Variants in ABCA4 observed in about 807,000 individuals in gnomAD.
ABCA4 encodes ATP binding cassette subfamily A member 4, also known as retinal-specific phospholipid-transporting ATPase ABCA4.
Under a neutral mutation model 263.7 loss-of-function variants are expected in ABCA4, and 196 were observed. That is an observed-to-expected ratio of 0.74 (90% CI 0.66 to 0.84). The LOEUF (loss-of-function observed/expected upper bound fraction) is 0.84, where lower values mean the gene tolerates loss of function less well. Among genes scored for constraint, ABCA4 ranks in the 40% least tolerant of loss-of-function variants. ABCA4 has a pLI of 0.00. For synonymous variants in ABCA4, 1,133 were observed against 1,094.2 expected, an observed-to-expected ratio of 1.04 and a Z score of -0.70; for missense variants, 2,792 against 2,855.1, an observed-to-expected ratio of 0.98 and a Z score of 0.50.
rs1659469961 is a variant in ABCA4, at chr1:94,008,824, A to T, written c.5762T>A (p.Val1921Glu). The change falls in exon 41 of 50, where the codon GTG becomes GAG. Residue 1921 changes from valine (V) to glutamate (E), a missense_variant. Coordinates refer to ENST00000370225, the MANE Select transcript of ABCA4 (RefSeq NM_000350.3). The stretch of plus-strand genomic sequence containing the variant: ...AATAATTCTTTGTCTTTCTTCAGCC[A>T]CATCATCATCTTCATCAACAATGGG... ...KEPIVDEDDD[V>E]AEERQRIITG... is the part of the protein sequence containing the mutation. 6.2e-7 allele frequency: 1 copy of T among 1,613,548 alleles called. No homozygotes were observed. Among genetic ancestry groups the T allele is most frequent in the Non-Finnish European group, 8.5e-7 (1 of 1,179,970 alleles).
At chr1:94,011,029 C>T (rs1659531421) in intron 39 of ABCA4, 100 bp from the exon 40 acceptor site, 37 of 1,603,656 alleles carry the variant, frequency 2.3e-5, no homozygotes, top group Non-Finnish European at 3.1e-5. Flanking sequence ...TATGTGGGAA[C>T]TGAGCAAGAG....
In ABCA4 at chr1:94,011,267, C is replaced by T. The variant is rs761240030; in HGVS notation, c.5579G>A (p.Arg1860Gln). The T allele has an allele frequency of 3.9e-5, 63 of 1,613,938 alleles. No individual in the cohort carries two copies. Among genetic ancestry groups the T allele is most frequent in the East Asian group, 6.7e-5 (3 of 44,852 alleles). The change falls in exon 39 of 50, where the codon CGG (arginine) becomes CAG (glutamine). Residue 1860 changes from arginine (R) to glutamine (Q), a missense_variant. Physicochemically the swap from Arg to Gln is conservative, Grantham distance 43 (BLOSUM62 1). Transcript: ENST00000370225. Reference sequence around the variant, plus strand: ...GGGCCTCGGCTACCACCCACCAAACCGGGCATAGACATCTGTCACAGCCTG... The same window carrying T: ...GGGCCTCGGCTACCACCCACCAAACTGGGCATAGACATCTGTCACAGCCTG... ...LSQAVTDVYA[R>Q]FGEEHSANPF...
Position 94,080,706 on chromosome 1 carries a change from G to C in ABCA4, c.871C>G (p.Pro291Ala). The C allele has an allele frequency of 6.2e-7, 1 of 1,614,122 alleles. No individual in the cohort carries two copies. The highest frequency in any genetic ancestry group is 8.5e-7 in the Non-Finnish European group (1 of 1,180,034). Residue 291 changes from proline (P) to alanine (A), a missense_variant, in exon 8 of 50, where the codon CCG becomes GCG. Transcript: ENST00000370225. ...SPRIQEFIHR[P>A]SMQDLLWVTR... ...ACCCACAGCAAGTCCTGCATACTCGGCCGATGGATAAACTAGGGCAAGGCA... is the reference window on the plus strand; with the variant it reads ...ACCCACAGCAAGTCCTGCATACTCGCCCGATGGATAAACTAGGGCAAGGCA...
At chr1:94,040,187 C>T in intron 23 of ABCA4, 60 bp from the exon 24 acceptor site, 2 of 1,356,298 alleles carry the variant, frequency 1.5e-6, no homozygotes, top group Non-Finnish European at 2.1e-6. Context: ...CAGCCTCTCC[C>T]TGATGCCAGC....
Position 94,080,547 on chromosome 1 carries a change from T to C in ABCA4, c.1030A>G (p.Asn344Asp). 6.2e-7 allele frequency: 1 copy of C among 1,614,114 alleles called. No individual in the cohort carries two copies. Reference sequence around the variant, plus strand: ...TCAATCCCCAGAAAGGCCTTATAGTTATTGTCTTCATACCAGTTGAAGGAG... The same window carrying C: ...TCAATCCCCAGAAAGGCCTTATAGTCATTGTCTTCATACCAGTTGAAGGAG... ...VLSFNWYEDN[N>D]YKAFLGIDST... The change falls in exon 8 of 50, where the codon AAC (asparagine) becomes GAC (aspartate). Residue 344 changes from asparagine (N) to aspartate (D), a missense_variant. Transcript: ENST00000370225.
intron 1 of ABCA4, among the ~76,000 whole-genome samples, chr1:94,116,004 A>C (rs1662748177): frequency 6.6e-6 from 1 of 152,088 alleles, no homozygotes; most frequent in South Asian, 2.1e-4. Context: ...CCAGGGGTAA[A>C]ATTTCCAAAC....
intron 4 of ABCA4, among the ~76,000 whole-genome samples, chr1:94,104,933 C>T (rs1280665472): frequency 2.0e-5 from 3 of 152,064 alleles, no homozygotes; most frequent in African/African-American, 7.2e-5. Context: ...CTCACTCCAC[C>T]AACACCATCC....
At chr1:94,028,930 A>ACAAAAAAC (rs35998587) in intron 30 of ABCA4, among the ~76,000 whole-genome samples, 1 of 108,032 alleles carries the variant, frequency 9.3e-6, no homozygotes, top group Non-Finnish European at 1.8e-5. Flanking sequence ...AAAAAAAAAA[A>ACAAAAAAC]GAAATTCAAA....
At chr1:94,073,893 C>T (rs1661470056) in intron 11 of ABCA4, among the ~76,000 whole-genome samples, 1 of 152,136 alleles carries the variant, frequency 6.6e-6, no homozygotes, top group Non-Finnish European at 1.5e-5. Context: ...AGCAACAGAG[C>T]CTCTCTCCTC....
At chr1:94,032,823 G>A (rs1457004669) in intron 26 of ABCA4, among the ~76,000 whole-genome samples, 1 of 152,240 alleles carries the variant, frequency 6.6e-6, no homozygotes, top group Non-Finnish European at 1.5e-5. Context: ...GTCAGCAGAA[G>A]CTCTCCCTGG....
intron 30 of ABCA4, among the ~76,000 whole-genome samples, chr1:94,028,921 A>AG (rs1371438888): frequency 6.7e-6 from 1 of 150,118 alleles, no homozygotes. Flanking sequence ...AAAAAAAAAA[A>AG]AAAAAAAAAG....
intron 20 of ABCA4, 114 bp downstream of exon 20, chr1:94,044,499 C>G (rs1378125048): frequency 6.6e-6 from 10 of 1,507,340 alleles, no homozygotes; most frequent in Non-Finnish European, 9.2e-6. Context: ...AAATAAGAGT[C>G]TGTATCTCTG....
At chr1:94,047,182 A>G in intron 18 of ABCA4, 89 bp from the exon 19 acceptor site, 1 of 1,451,210 alleles carries the variant, frequency 6.9e-7, no homozygotes, top group East Asian at 2.3e-5. Context: ...TATTCTGCCT[A>G]TAACGTCACC....
chr1:94,038,540 T>C (rs978146346), intron 24 of ABCA4, among the ~76,000 whole-genome samples: 4 of 152,260 alleles, frequency 2.6e-5, no homozygotes, highest in Non-Finnish European at 5.9e-5. Context: ...ATTGGAAGTC[T>C]TGCTTTATGT....
chr1:94,098,009 G>A (rs1018959773), intron 6 of ABCA4, among the ~76,000 whole-genome samples: 5 of 152,040 alleles, frequency 3.3e-5, no homozygotes, highest in African/African-American at 1.2e-4. Context: ...CGCCCGCCTC[G>A]GCCTCCCAAA....
intron 16 of ABCA4, among the ~76,000 whole-genome samples, chr1:94,053,398 C>T (rs1458589736): frequency 2.0e-5 from 3 of 152,100 alleles, no homozygotes; most frequent in African/African-American, 7.2e-5. Flanking sequence ...AAAACAACAA[C>T]AACAAAAAAC....
In ABCA4 at chr1:94,042,825, G is replaced by A. The variant is rs140876019; in HGVS notation, c.3264C>T (p.Pro1088=). 1.3e-4 allele frequency: 207 copies of A among 1,614,178 alleles called. No homozygotes were observed. The Middle Eastern group carries it at 2.5e-3, about 19-fold the overall frequency. Residue 1088 remains proline (P), a synonymous_variant, in exon 22 of 50, where the codon CCC becomes CCT. Transcript: ENST00000370225. The part of the protein sequence containing the change: ...GDAKVVILDE[P]TSGVDPYSRR... Reference sequence around the variant, plus strand: ...TCGAGTAAGGGTCCACCCCAGAGGTGGGTTCGTCCAGAATCACCACCTTGG... The same window carrying A: ...TCGAGTAAGGGTCCACCCCAGAGGTAGGTTCGTCCAGAATCACCACCTTGG...
chr1:94,084,397 A>C (rs1224193478), intron 6 of ABCA4, among the ~76,000 whole-genome samples: 1 of 152,230 alleles, frequency 6.6e-6, no homozygotes, highest in African/African-American at 2.4e-5. Flanking sequence ...TTGCCAGCAC[A>C]GTTCTCCTAA....
At chr1:94,009,868 AG>A (rs1274376817) in intron 40 of ABCA4, among the ~76,000 whole-genome samples, 1 of 152,236 alleles carries the variant, frequency 6.6e-6, no homozygotes, top group Non-Finnish European at 1.5e-5. Flanking sequence ...AAGGGTCTGC[AG>A]GGGCTGAGGG....
Sources: gnomAD v4.1 joint callset for allele counts (sites outside exome capture counted in the v4.1 genomes callset) on GRCh38, gnomAD v4.1.1 for gene constraint, MANE v1.5 for transcripts, NCBI Gene and HGNC (gene_info 2026-07-23, HGNC 2026-07-21) for gene names.